The following ANXA8 variants were observed in gnomAD, a reference collection of about 807,000 sequenced individuals.
ANXA8 encodes the protein annexin A8, also known as VAC-beta.
Under a neutral mutation model 26.8 loss-of-function variants are expected in ANXA8, and 9 were observed. The observed-to-expected ratio is 0.34, with a 90% CI of 0.20 to 0.59. The LOEUF (loss-of-function observed/expected upper bound fraction) is 0.59. Among genes scored for constraint, ANXA8 ranks in the 20% least tolerant of loss-of-function variants. The pLI is 0.84. For synonymous variants in ANXA8, 39 were observed against 94.8 expected, an observed-to-expected ratio of 0.41 and a Z score of 3.42; for missense variants, 83 against 238.5, an observed-to-expected ratio of 0.35 and a Z score of 4.29.
the ANXA8 span, chr10:47,502,259 C>T: frequency 1.8e-5 from 28 of 1,596,120 alleles, 1 homozygote; most frequent in African/African-American, 1.1e-4. Context: ...GCCGTGCAGC[C>T]GTCTCCCTCC....
At chr10:47,737,607 A>G in the ANXA8 span, among the ~76,000 whole-genome samples, 2 of 151,846 alleles carry the variant, frequency 1.3e-5, no homozygotes, top group African/African-American at 4.8e-5. Context: ...ATTTTTCTTC[A>G]TTAAAATTGT....
At chr10:47,483,786 C>T (rs1294586975) in intron 1 of ANXA8, 127 bp downstream of exon 1, 39 of 1,605,912 alleles carry the variant, frequency 2.4e-5, no homozygotes, top group Non-Finnish European at 3.2e-5. Context: ...CATGCTTGGC[C>T]CAGGAGGCAG....
the ANXA8 span, among the ~76,000 whole-genome samples, chr10:47,575,215 A>AAAAAAG: frequency 1.8e-5 from 2 of 110,664 alleles, no homozygotes; most frequent in African/African-American, 7.0e-5. Flanking sequence ...AAAAAAAAAA[A>AAAAAAG]AAAGAAAGAA....
the ANXA8 span, chr10:47,581,428 C>CCTCTGGAAGA: frequency 2.1e-6 from 1 of 475,352 alleles, no homozygotes; most frequent in Non-Finnish European, 4.1e-6. Flanking sequence ...GGAGGGGAAG[C>CCTCTGGAAGA]ACAGAGCTGG....
At chr10:47,664,272 G>T in the ANXA8 span, among the ~76,000 whole-genome samples, 1 of 152,062 alleles carries the variant, frequency 6.6e-6, no homozygotes, top group Non-Finnish European at 1.5e-5. Context: ...CAGCTACTGG[G>T]GAGGCTGAGG....
the ANXA8 span, among the ~76,000 whole-genome samples, chr10:47,978,427 T>TA: frequency 7.4e-6 from 1 of 135,548 alleles, no homozygotes; most frequent in Admixed American, 7.7e-5. Flanking sequence ...TTTTTAATTG[T>TA]AATTCTTTTC....
the ANXA8 span, among the ~76,000 whole-genome samples, chr10:47,604,319 A>ATCATATATACACATATAATATATC: frequency 6.6e-6 from 1 of 150,954 alleles, no homozygotes; most frequent in Non-Finnish European, 1.5e-5. Context: ...TATATCATAT[A>ATCATATATACACATATAATATATC]TCATATATAC....
At chr10:47,691,053 C>G in the ANXA8 span, 1 of 1,610,834 alleles carries the variant, frequency 6.2e-7, no homozygotes, top group Non-Finnish European at 8.5e-7. Context: ...ATGGTGCTAT[C>G]TCCATGCCAT....
chr10:47,742,990 T>TAAAAAAAAAAA, the ANXA8 span, among the ~76,000 whole-genome samples: 1 of 91,524 alleles, frequency 1.1e-5, no homozygotes, highest in African/African-American at 4.0e-5. Flanking sequence ...CCGTCTCTAC[T>TAAAAAAAAAAA]AAAAAAAAAA....
the ANXA8 span, among the ~76,000 whole-genome samples, chr10:47,733,211 TTCTTTCTTTCTCTTTCTTTCTC>T: frequency 1.6e-4 from 13 of 82,360 alleles, no homozygotes; most frequent in Admixed American, 6.4e-4. Context: ...CTTTCTTTCT[TTCTTTCTTTCTCTTTCTTTCTC>T]TCTTTCTTTC....
chr10:47,649,284 C>T, the ANXA8 span, among the ~76,000 whole-genome samples: 121 of 151,604 alleles, frequency 8.0e-4, 4 homozygotes, highest in African/African-American at 2.5e-3. Context: ...TTTATTTATC[C>T]GAATTATTCC....
the ANXA8 span, among the ~76,000 whole-genome samples, chr10:47,741,814 G>C: frequency 6.7e-6 from 1 of 149,422 alleles, no homozygotes; most frequent in Non-Finnish European, 1.5e-5. Context: ...TCAATAAAAC[G>C]ATTATAAAAA....
the ANXA8 span, among the ~76,000 whole-genome samples, chr10:47,746,872 T>C: frequency 1.0e-4 from 11 of 107,146 alleles, no homozygotes; most frequent in Non-Finnish European, 1.9e-4. Flanking sequence ...TTCCCAAGAA[T>C]TGTTTAATCC....
chr10:47,622,755 G>A, the ANXA8 span, among the ~76,000 whole-genome samples: 1 of 103,954 alleles, frequency 9.6e-6, no homozygotes, highest in East Asian at 2.2e-4. Flanking sequence ...AACTACATGT[G>A]AGGAAAGTAC....
chr10:47,982,425 T>C, the ANXA8 span, among the ~76,000 whole-genome samples: 1 of 150,364 alleles, frequency 6.7e-6, no homozygotes, highest in East Asian at 2.0e-4. Context: ...TTCACATTTA[T>C]GGTTAACTGA....
the ANXA8 span, among the ~76,000 whole-genome samples, chr10:47,977,720 G>A: frequency 6.6e-6 from 1 of 151,422 alleles, no homozygotes. Context: ...AATTTGAGCA[G>A]GCAGAAAAAA....
chr10:47,651,894 C>CA, the ANXA8 span, among the ~76,000 whole-genome samples: 13 of 150,580 alleles, frequency 8.6e-5, no homozygotes, highest in African/African-American at 3.0e-4. Context: ...AACTTTGTCT[C>CA]AAAAAACAAA....
chr10:47,474,926 C>G lies in ANXA8; in HGVS notation c.552+19G>C. On this transcript the variant is annotated intron_variant, in intron 7 of 11. Transcript: ENST00000585281. ...ATGGCAGGGGGTGGGGCCACATGGC[C>G]GGCTGGGCGCAGCCTCACCTGTGCG... 6 of 1,532,948 alleles carry G rather than the reference C, an allele frequency of 3.9e-6. 1 individual carries two copies. Among genetic ancestry groups the G allele is most frequent in the Non-Finnish European group, 5.3e-6 (6 of 1,133,444 alleles). 95.0% of individuals were successfully genotyped at this position (1,532,948 alleles called of 1,614,324 possible).
upstream of ANXA8, among the ~76,000 whole-genome samples, chr10:47,484,984 C>T (rs1471202574): frequency 0.031 from 4,642 of 147,750 alleles, 334 homozygotes; most frequent in African/African-American, 0.11. Context: ...ATCCTGGAGC[C>T]GCTGCAAACC....
Sources: allele counts gnomAD v4.1 joint callset (sites outside exome capture counted in the v4.1 genomes callset), GRCh38; gene constraint gnomAD v4.1.1; transcripts MANE v1.5; gene names NCBI Gene and HGNC (gene_info 2026-07-23, HGNC 2026-07-21).